Variants in ASL observed in about 807,000 individuals in gnomAD.
ASL encodes the protein argininosuccinase.
ASL carries 51 observed loss-of-function variants against 69.1 expected under a neutral mutation model. The observed-to-expected ratio is 0.74, with a 90% confidence interval of 0.59 to 0.93. The LOEUF (loss-of-function observed/expected upper bound fraction) is 0.93. ASL is among the 40% of genes least tolerant of loss of function. ASL has a pLI of 0.00. For synonymous variants in ASL, 241 were observed against 247.6 expected, an observed-to-expected ratio of 0.97 and a Z score of 0.25; for missense variants, 540 against 623.9, an observed-to-expected ratio of 0.87 and a Z score of 1.43.
intron 1 of ASL, 41 bp from the exon 2 acceptor site, chr7:66,075,998 C>T: frequency 6.5e-7 from 1 of 1,541,068 alleles, no homozygotes; most frequent in Non-Finnish European, 8.8e-7. Flanking sequence ...CCGGGGGACC[C>T]TGCTGGCCAA....
intron 6 of ASL, among the ~76,000 whole-genome samples, chr7:66,083,996 C>A (rs912098661): frequency 6.6e-6 from 1 of 152,154 alleles, no homozygotes; most frequent in African/African-American, 2.4e-5. Context: ...TTGTCAGAGA[C>A]CCCTCCTCTT....
intron 2 of ASL, among the ~76,000 whole-genome samples, chr7:66,076,928 G>A (rs918379114): frequency 1.3e-5 from 2 of 152,110 alleles, no homozygotes; most frequent in African/African-American, 2.4e-5. Context: ...CTTTCTCAAT[G>A]CCCTGCAAGC....
chr7:66,085,766 G>A (rs574638347), intron 6 of ASL, among the ~76,000 whole-genome samples: 119 of 152,058 alleles, frequency 7.8e-4, no homozygotes, highest in African/African-American at 2.6e-3. Flanking sequence ...CCACCACTAC[G>A]CCCGGCTAAT....
intron 2 of ASL, among the ~76,000 whole-genome samples, chr7:66,081,579 C>CA (rs113517237): frequency 0.019 from 2,193 of 115,152 alleles, 61 homozygotes; most frequent in East Asian, 0.12. Flanking sequence ...GACTCTGTCT[C>CA]AAAAAAAAAA....
chr7:66,089,730 G>A (rs1170690999), intron 14 of ASL, 35 bp downstream of exon 14: 1 of 1,608,370 alleles, frequency 6.2e-7, no homozygotes, highest in Admixed American at 1.7e-5. Flanking sequence ...CCTCCCCTAG[G>A]TCCCAGGCAC....
intron 12 of ASL, 45 bp from the exon 13 acceptor site, chr7:66,089,231 G>A (rs754800257): frequency 8.1e-6 from 13 of 1,611,748 alleles, no homozygotes; most frequent in Non-Finnish European, 1.1e-5. Flanking sequence ...GTGGCCAGGG[G>A]GGCAGGATCC....
intron 2 of ASL, among the ~76,000 whole-genome samples, chr7:66,081,398 G>A (rs1786499395): frequency 6.6e-6 from 1 of 152,006 alleles, no homozygotes. Context: ...TGGCCAACAT[G>A]GTGAAACCCC....
chr7:66,086,253 G>T (rs1786658562), intron 6 of ASL, among the ~76,000 whole-genome samples: 2 of 152,196 alleles, frequency 1.3e-5, no homozygotes, highest in Admixed American at 1.3e-4. Flanking sequence ...ACCTCCCACG[G>T]CCAAGTCATA....
chr7:66,082,354 GCTACCCA>G lies in ASL; in HGVS notation c.208-9_208-3del. The G allele has an allele frequency of 6.2e-7, 1 of 1,608,164 alleles. No homozygotes were observed. The highest frequency in any genetic ancestry group is 8.5e-7 in the Non-Finnish European group (1 of 1,177,918). ...CTGCTCACCTGACCCCGGCATTGCT[GCTACCCA>G]CTACAGGTGGCTGAGGAGTGGGCCC... On this transcript the variant is annotated splice_polypyrimidine_tract_variant and splice_region_variant and intron_variant, in intron 3 of 16. Coordinates refer to ENST00000304874, the MANE Select transcript of ASL (RefSeq NM_000048.4).
At position 66,092,916 on chromosome 7, in the gene ASL, C is replaced by T; in HGVS notation, c.*4C>T. The T allele has an allele frequency of 1.2e-6, 2 of 1,604,378 alleles. No homozygotes were observed. Among genetic ancestry groups the T allele is most frequent in the Non-Finnish European group, 1.7e-6 (2 of 1,179,414 alleles). ...ACTGCAGGCACAGCAGGCCTAGGTC[C>T]TCCCACACCTGCCCCCTAATAAAGT... On this transcript the variant is annotated 3_prime_UTR_variant, in exon 17 of 17. Coordinates refer to ENST00000304874, the MANE Select transcript of ASL (RefSeq NM_000048.4).
At chr7:66,082,023 C>A in intron 3 of ASL, 26 bp downstream of exon 3, 1 of 1,579,028 alleles carries the variant, frequency 6.3e-7, no homozygotes. Flanking sequence ...CAAGCCCCAC[C>A]CAAGGCCCCT....
intron 9 of ASL, 126 bp downstream of exon 9, chr7:66,087,512 G>A: frequency 4.2e-6 from 5 of 1,183,166 alleles, no homozygotes; most frequent in African/African-American, 1.5e-5. Context: ...CATTGCCTAT[G>A]GGCACTGAGG....
intron 15 of ASL, 91 bp downstream of exon 15, chr7:66,092,177 C>T: frequency 1.4e-6 from 2 of 1,462,376 alleles, no homozygotes; most frequent in Admixed American, 1.7e-5. Context: ...AGCGGCCCAG[C>T]CTGGTGGCTC....
Position 66,082,909 on chromosome 7 carries a change from GCA to G in ASL, c.325_326del (p.Thr109GlyfsTer6). On this transcript the variant is annotated frameshift_variant, in exon 5 of 17. Coordinates refer to ENST00000304874, the MANE Select transcript of ASL (RefSeq NM_000048.4). LOFTEE classifies it high-confidence loss of function. Reference sequence around the variant, plus strand: ...TCATTGGTGCAACGGCAGGGAAGCTGCACACGGGACGGAGCCGGAATGACCAG... The same window carrying G: ...TCATTGGTGCAACGGCAGGGAAGCTGCACGGGACGGAGCCGGAATGACCAG... ...ELIGATAGKL[H>X]TGRSRNDQVV... 1 of 1,613,710 alleles carries G rather than the reference GCA, an allele frequency of 6.2e-7. No homozygotes were observed. Among genetic ancestry groups the G allele is most frequent in the Non-Finnish European group, 8.5e-7 (1 of 1,179,992 alleles).
At chr7:66,076,776 G>A (rs1427551655) in intron 2 of ASL, among the ~76,000 whole-genome samples, 10 of 152,172 alleles carry the variant, frequency 6.6e-5, no homozygotes, top group Admixed American at 6.6e-4. Flanking sequence ...CACTCTGTAA[G>A]GCACTAGATT....
intron 10 of ASL, among the ~76,000 whole-genome samples, chr7:66,088,037 G>A (rs1174140738): frequency 2.0e-5 from 3 of 151,662 alleles, no homozygotes; most frequent in Non-Finnish European, 2.9e-5. Flanking sequence ...GGTGGCAGGT[G>A]CCTGTAATCC....
Position 66,089,603 on chromosome 7 carries a change from G to T in ASL, c.979-9G>T. On this transcript the variant is annotated splice_polypyrimidine_tract_variant and intron_variant, in intron 13 of 16. Coordinates refer to ENST00000304874, the MANE Select transcript of ASL (RefSeq NM_000048.4). ...GCTAGGCCCTCACCTCCTGCCATGT[G>T]CCTCCCAGGAGGACAAGGAAGCTGT... 2.5e-6 allele frequency: 4 copies of T among 1,613,440 alleles called. No homozygotes were observed. The South Asian group carries it at 3.3e-5, about 13-fold the overall frequency.
At chr7:66,076,200 A>G (rs531011584) in intron 2 of ASL, 107 bp downstream of exon 2, 155 of 1,418,050 alleles carry the variant, frequency 1.1e-4, no homozygotes, top group South Asian at 1.6e-4. Flanking sequence ...CCAGGAAGCA[A>G]TTTTGAAAAT....
rs199552185 is a variant in ASL, at chr7:66,085,767, C to A, written c.447-818C>A. ...GGAACTACAGGCGCCCACCACTACG[C>A]CCGGCTAATTTTTTGTATTTTTAGT... On this transcript the variant is annotated intron_variant, in intron 6 of 16. Transcript: ENST00000304874. Among the ~76,000 whole-genome samples, 63 of 152,198 alleles carry A rather than the reference C, an allele frequency of 4.1e-4. No individual in the cohort carries two copies. The East Asian group carries it at 8.9e-3, about 22-fold the overall frequency.
Sources: gnomAD v4.1 joint callset for allele counts (sites outside exome capture counted in the v4.1 genomes callset) on GRCh38, gnomAD v4.1.1 for gene constraint, MANE v1.5 for transcripts, NCBI Gene and HGNC (gene_info 2026-07-23, HGNC 2026-07-21) for gene names.